Variants in ZPLD1 observed in about 807,000 individuals in gnomAD.
ZPLD1 encodes the protein zona pellucida-like domain-containing protein 1.
ZPLD1 carries 34 observed loss-of-function variants against 47.2 expected under a neutral mutation model. The ratio of observed to expected loss-of-function variants is 0.72; its 90% CI spans 0.55 to 0.96. The LOEUF is 0.96. ZPLD1 is among the 40% of genes least tolerant of loss of function. The pLI, the probability that ZPLD1 is intolerant of heterozygous loss-of-function variation, is 0.00. For synonymous variants in ZPLD1, 176 were observed against 186.2 expected (o/e 0.95, Z 0.45); for missense variants, 512 against 505.8 (o/e 1.01, Z -0.12).
At chr3:102,419,884 G>C (rs1191547709) in intron 8 of ZPLD1, among the ~76,000 whole-genome samples, 1 of 145,412 alleles carries the variant, frequency 6.9e-6, no homozygotes, top group African/African-American at 2.5e-5. Context: ...TTTTTTTTTG[G>C]TTAATTTACC....
intron 8 of ZPLD1, among the ~76,000 whole-genome samples, chr3:102,465,721 G>A (rs1707581392): frequency 6.6e-6 from 1 of 152,114 alleles, no homozygotes; most frequent in Non-Finnish European, 1.5e-5. Flanking sequence ...CATTCAGAGT[G>A]AAATGCATAA....
At chr3:102,468,460 TGAGGAAGCTCTC>T in intron 8 of ZPLD1, among the ~76,000 whole-genome samples, 1 of 152,098 alleles carries the variant, frequency 6.6e-6, no homozygotes, top group Admixed American at 6.6e-5. Flanking sequence ...TGGAAAAAAA[TGAGGAAGCTCTC>T]TAAATATTGA....
At chr3:102,476,166 T>C (rs1253490576) in intron 10 of ZPLD1, among the ~76,000 whole-genome samples, 7 of 152,156 alleles carry the variant, frequency 4.6e-5, no homozygotes, top group Admixed American at 2.0e-4. Context: ...TATACACATA[T>C]TGATTGTAAT....
At chr3:102,435,287 C>A (rs896800566) in intron 1 of ZPLD1, 133 bp downstream of exon 1, 26 of 936,876 alleles carry the variant, frequency 2.8e-5, no homozygotes, top group Middle Eastern at 2.3e-4. Flanking sequence ...AGGGATACTG[C>A]CTTTATAAGA....
chr3:102,475,912 G>T (rs950426951), intron 10 of ZPLD1, among the ~76,000 whole-genome samples: 1 of 152,010 alleles, frequency 6.6e-6, no homozygotes, highest in Non-Finnish European at 1.5e-5. Context: ...GAGATTCATA[G>T]CTTGAGATAT....
Position 102,477,347 on chromosome 3 carries a change from G to T in ZPLD1, c.1073-96G>T, listed in dbSNP as rs1396360256. On this transcript the variant is annotated intron_variant, in intron 11 of 11. Coordinates refer to ENST00000466937, the MANE Select transcript of ZPLD1 (RefSeq NM_001329788.2). ...TCAGTGCCATGCTGCTATTCTATGAGATGCTGATGAAAGATGTTTTGCAGG... is the reference window on the plus strand; with the variant it reads ...TCAGTGCCATGCTGCTATTCTATGATATGCTGATGAAAGATGTTTTGCAGG... The T allele has an allele frequency of 9.7e-6, 12 of 1,234,030 alleles. No homozygotes were observed. In the Middle Eastern group the frequency reaches 2.0e-3, roughly 204 times the overall value. 76.4% of individuals were successfully genotyped at this position (1,234,030 alleles called of 1,614,324 possible).
chr3:102,416,285 T>A lies in ZPLD1; in HGVS notation c.-156-1775T>A, dbSNP rs545841771. 2.6e-5 allele frequency among the ~76,000 whole-genome samples: 4 copies of A among 152,080 alleles called. No homozygotes were observed. In the South Asian group the frequency reaches 6.2e-4, roughly 24 times the overall value. ...AGCCTGTAATGGAATTACTACTGTC[T>A]TTTTAGCTAACCAACTTGTAGGGTA... On this transcript the variant is annotated intron_variant, in intron 7 of 17. Transcript: ENST00000491959.
intron 8 of ZPLD1, among the ~76,000 whole-genome samples, chr3:102,420,767 G>A (rs116542085): frequency 1.3e-5 from 2 of 151,640 alleles, no homozygotes; most frequent in African/African-American, 4.8e-5. Context: ...AGAACATGAA[G>A]AAATATATTT....
At chr3:102,428,724 A>G (rs1295183722) in intron 8 of ZPLD1, among the ~76,000 whole-genome samples, 2 of 150,808 alleles carry the variant, frequency 1.3e-5, no homozygotes. Context: ...ATATATGTAT[A>G]TATATGTTAT....
At position 102,443,859 on chromosome 3, in the gene ZPLD1, G is replaced by A. The variant is rs189651066; in HGVS notation, c.106+5266G>A. ...CTGGTTCTCTGTATAGAAAGGAAAG[G>A]CCAATTCTCCTTTATTCCTACTTTT... On this transcript the variant is annotated intron_variant, in intron 3 of 11. Coordinates refer to ENST00000466937, the MANE Select transcript of ZPLD1 (RefSeq NM_001329788.2). Among the ~76,000 whole-genome samples, 117 of 152,302 alleles carry A rather than the reference G, an allele frequency of 7.7e-4. 1 individual carries two copies. The South Asian group carries it at 0.015, about 19-fold the overall frequency.
intron 2 of ZPLD1, among the ~76,000 whole-genome samples, chr3:102,437,906 T>C (rs1707115572): frequency 6.6e-6 from 1 of 152,228 alleles, no homozygotes; most frequent in African/African-American, 2.4e-5. Flanking sequence ...TTTATCACTA[T>C]GTTTCCTAAG....
intron 8 of ZPLD1, among the ~76,000 whole-genome samples, chr3:102,421,483 G>T (rs1706879379): frequency 6.6e-6 from 1 of 151,616 alleles, no homozygotes; most frequent in Non-Finnish European, 1.5e-5. Flanking sequence ...AAAAACTTTG[G>T]TGCATTTGTG....
At chr3:102,402,083 C>T (rs1176175470) in intron 7 of ZPLD1, among the ~76,000 whole-genome samples, 1 of 151,918 alleles carries the variant, frequency 6.6e-6, no homozygotes, top group Non-Finnish European at 1.5e-5. Flanking sequence ...TTAAAAAATG[C>T]TATATGTATT....
Position 102,436,898 on chromosome 3 carries a change from A to C in ZPLD1, c.-84A>C. ...GTTGGGGACAACAGTGTGGGTCTAGAGTTTCCAATGTCTTCCAGGAGTTCT... is the reference window on the plus strand; with the variant it reads ...GTTGGGGACAACAGTGTGGGTCTAGCGTTTCCAATGTCTTCCAGGAGTTCT... On this transcript the variant is annotated 5_prime_UTR_variant, in exon 2 of 12. Transcript: ENST00000466937. The C allele has an allele frequency of 1.0e-6, 1 of 985,428 alleles. No individual in the cohort carries two copies. The highest frequency in any genetic ancestry group is 1.2e-6 in the Non-Finnish European group (1 of 829,916). The allele number at this position is 985,428 out of a possible 1,614,324, so 61.0% of individuals were successfully genotyped here. A position where few individuals can be genotyped will look rare whatever the true frequency, so the allele number is the denominator to read the frequency against.
At chr3:102,463,331 T>C (rs1707538984) in intron 7 of ZPLD1, among the ~76,000 whole-genome samples, 1 of 152,222 alleles carries the variant, frequency 6.6e-6, no homozygotes, top group East Asian at 1.9e-4. Flanking sequence ...AACTCCTTTG[T>C]TGTATTTGGT....
rs1460994410 is a variant in ZPLD1 at position 102,457,653 on chromosome 3, G to A, written c.510-128G>A. ...TCTGTTCAGAGATTTAAACAGTATA[G>A]CAACTCCAGGTATAATTAACAGTAT... On this transcript the variant is annotated intron_variant, in intron 5 of 11. Coordinates refer to ENST00000466937, the MANE Select transcript of ZPLD1 (RefSeq NM_001329788.2). 10 of 772,852 alleles carry A rather than the reference G, an allele frequency of 1.3e-5. No individual in the cohort carries two copies. In the South Asian group the frequency reaches 1.4e-4, roughly 11 times the overall value. 47.9% of individuals were successfully genotyped at this position (772,852 alleles called of 1,614,324 possible).
intron 7 of ZPLD1, among the ~76,000 whole-genome samples, chr3:102,405,436 A>AT (rs1245193031): frequency 3.3e-5 from 5 of 152,026 alleles, no homozygotes; most frequent in Non-Finnish European, 5.9e-5. Flanking sequence ...TTTAAATCAG[A>AT]TAGACATGTT....
rs1005796951 is a variant in ZPLD1, at chr3:102,438,685, G to A, written c.106+92G>A. 45 of 895,920 alleles carry A rather than the reference G, an allele frequency of 5.0e-5. No individual in the cohort carries two copies. The African/African-American group carries it at 6.7e-4, about 13-fold the overall frequency. The allele number at this position is 895,920 out of a possible 1,614,324, so 55.5% of individuals were successfully genotyped here. The stretch of plus-strand genomic sequence containing the variant: ...ATTTAAATATATATGGAGAACGGGG[G>A]GCTATCTCTTTACATTAAGTGGATA... On this transcript the variant is annotated intron_variant, in intron 3 of 11. Transcript: ENST00000466937.
At chr3:102,440,325 C>A (rs1221938840) in intron 3 of ZPLD1, among the ~76,000 whole-genome samples, 2 of 152,020 alleles carry the variant, frequency 1.3e-5, no homozygotes, top group Admixed American at 1.3e-4. Flanking sequence ...GCAGTGGAAG[C>A]ATTACAAGGG....
Sources: gnomAD v4.1 joint callset for allele counts (sites outside exome capture counted in the v4.1 genomes callset) on GRCh38, gnomAD v4.1.1 for gene constraint, MANE v1.5 for transcripts, NCBI Gene and HGNC (gene_info 2026-07-23, HGNC 2026-07-21) for gene names.